PCDHGA2: variants seen among roughly 807,000 people sequenced by gnomAD.
PCDHGA2 encodes protocadherin gamma-A2.
A neutral mutation model predicts 59.2 loss-of-function variants in PCDHGA2; 40 were observed. The observed-to-expected ratio is 0.68, with a 90% confidence interval of 0.52 to 0.88. The LOEUF (loss-of-function observed/expected upper bound fraction) is 0.88, where lower values mean the gene tolerates loss of function less well. PCDHGA2 is among the 40% of genes least tolerant of loss of function. The probability of loss-of-function intolerance (pLI) is 0.00; values close to 1 mark genes in which losing one functional copy is unlikely to be tolerated. For synonymous variants in PCDHGA2, 560 were observed against 526.0 expected, an observed-to-expected ratio of 1.06 and a Z score of -0.89; for missense variants, 1,226 against 1,204.0, an observed-to-expected ratio of 1.02 and a Z score of -0.27.
chr5:141,417,713 C>G, intron 1 of PCDHGA2: 1 of 1,271,750 alleles, frequency 7.9e-7, no homozygotes, highest in Non-Finnish European at 1.1e-6. Flanking sequence ...CAGAGGCTCC[C>G]GGCTGCGCAG....
intron 1 of PCDHGA2, chr5:141,370,299 G>A (rs914086562): frequency 8.6e-7 from 1 of 1,160,314 alleles, no homozygotes; most frequent in African/African-American, 1.5e-5. Flanking sequence ...CAAGCACAAA[G>A]ACAAAGCAAA....
At chr5:141,423,084 G>C (rs1427825232) in intron 1 of PCDHGA2, 2 of 1,613,942 alleles carry the variant, frequency 1.2e-6, no homozygotes, top group Non-Finnish European at 1.7e-6. Flanking sequence ...GACTCTTCGC[G>C]GTGGGGGAGC....
chr5:141,511,351 C>G lies in PCDHGA2; in HGVS notation c.*178C>G, dbSNP rs1190324197. On this transcript the variant is annotated 3_prime_UTR_variant, in exon 4 of 4. Coordinates refer to ENST00000394576, the MANE Select transcript of PCDHGA2 (RefSeq NM_018915.4). The stretch of plus-strand genomic sequence containing the variant: ...CCAGTCAGCACCTACCCCTTCCCCC[C>G]CAGGGGGTTGAATATGCAAAAGCAG... 6 of 1,386,432 alleles carry G rather than the reference C, an allele frequency of 4.3e-6. No individual in the cohort carries two copies. The highest frequency in any genetic ancestry group is 2.9e-5 in the African/African-American group (2 of 68,574). The allele number at this position is 1,386,432 out of a possible 1,614,324, so 85.9% of individuals were successfully genotyped here.
chr5:141,365,441 G>A (rs749640886), intron 1 of PCDHGA2: 7 of 1,613,952 alleles, frequency 4.3e-6, no homozygotes, highest in East Asian at 2.2e-5. Flanking sequence ...GCTGTTTAGC[G>A]TACATGATGG....
rs370242892 is a variant in PCDHGA2 at position 141,420,225 on chromosome 5, C to A, written c.2425-74582C>A. On this transcript the variant is annotated intron_variant, in intron 1 of 3. Coordinates refer to ENST00000394576, the MANE Select transcript of PCDHGA2 (RefSeq NM_018915.4). ...CTCAACAAAGATAGCATGCTACTGGCTAGCATTTTAACTCCCAGCGTTGAA... is the reference window on the plus strand; with the variant it reads ...CTCAACAAAGATAGCATGCTACTGGATAGCATTTTAACTCCCAGCGTTGAA... 13 of 1,603,470 alleles carry A rather than the reference C, an allele frequency of 8.1e-6. No homozygotes were observed. In the African/African-American group the frequency reaches 1.7e-4, roughly 21 times the overall value.
intron 1 of PCDHGA2, chr5:141,352,413 A>C (rs1759005544): frequency 1.9e-6 from 3 of 1,613,844 alleles, no homozygotes; most frequent in South Asian, 2.2e-5. Flanking sequence ...TCCAGCCTCG[A>C]CACTGAGGGC....
intron 1 of PCDHGA2, chr5:141,423,496 G>A (rs1049120602): frequency 1.2e-6 from 2 of 1,613,804 alleles, no homozygotes; most frequent in African/African-American, 1.3e-5. Flanking sequence ...CTATTCCCAC[G>A]AGGTCTCTCT....
At chr5:141,427,883 C>T (rs2097084423) in intron 1 of PCDHGA2, 2 of 1,563,700 alleles carry the variant, frequency 1.3e-6, no homozygotes, top group African/African-American at 1.3e-5. Context: ...TGCAGGCCCA[C>T]GACCAGGGCT....
At chr5:141,388,827 A>T (rs376001893) in intron 1 of PCDHGA2, 4 of 1,614,024 alleles carry the variant, frequency 2.5e-6, no homozygotes, top group Non-Finnish European at 2.5e-6. Flanking sequence ...AGAATATTCC[A>T]TAGTTTTGGA....
At chr5:141,352,905 T>C (rs1759140498) in intron 1 of PCDHGA2, among the ~76,000 whole-genome samples, 1 of 152,122 alleles carries the variant, frequency 6.6e-6, no homozygotes, top group Non-Finnish European at 1.5e-5. Flanking sequence ...GGAGGATCGC[T>C]TGAGCCCGGG....
At chr5:141,388,953 G>A (rs1266765544) in intron 1 of PCDHGA2, 13 of 1,614,022 alleles carry the variant, frequency 8.1e-6, no homozygotes, top group Non-Finnish European at 1.1e-5. Context: ...AATTATGGAG[G>A]ACGCCGAGCT....
chr5:141,431,830 C>G lies in PCDHGA2; in HGVS notation c.2425-62977C>G, dbSNP rs1354008481. 1 of 1,614,078 alleles carries G rather than the reference C, an allele frequency of 6.2e-7. No homozygotes were observed. The highest frequency in any genetic ancestry group is 8.5e-7 in the Non-Finnish European group (1 of 1,180,034). The stretch of plus-strand genomic sequence containing the variant: ...TCACCTCTCTCGCCAGCTCGGTTCC[C>G]GAAAACTCTCCCAGAGGGACATTAA... On this transcript the variant is annotated intron_variant, in intron 1 of 3. Coordinates refer to ENST00000394576, the MANE Select transcript of PCDHGA2 (RefSeq NM_018915.4). This position sits in a 1 kb window ranked among gnomAD's most constrained non-coding sequence, Gnocchi z 4.8.
At chr5:141,448,150 C>T (rs1182411283) in intron 1 of PCDHGA2, among the ~76,000 whole-genome samples, 4 of 151,924 alleles carry the variant, frequency 2.6e-5, no homozygotes, top group Non-Finnish European at 5.9e-5. Flanking sequence ...CTCAGACTCA[C>T]CCCTGAAAGA....
chr5:141,361,722 G>T lies in PCDHGA2; in HGVS notation c.2424+20327G>T, dbSNP rs1055343952. 6 of 1,613,196 alleles carry T rather than the reference G, an allele frequency of 3.7e-6. No homozygotes were observed. Among genetic ancestry groups the T allele is most frequent in the Non-Finnish European group, 4.2e-6 (5 of 1,179,854 alleles). On this transcript the variant is annotated intron_variant, in intron 1 of 3. Coordinates refer to ENST00000394576, the MANE Select transcript of PCDHGA2 (RefSeq NM_018915.4). ...ATCATGAGCAGCTGCGCGCCTTCGA[G>T]CTCACACTGCAGGCCCGCGACCAGG...
At chr5:141,416,998 CAAAT>C (rs2096073182) in intron 1 of PCDHGA2, 1 of 150,816 alleles carries the variant, frequency 6.6e-6, no homozygotes, top group South Asian at 2.1e-4. Flanking sequence ...GCATTCATCT[CAAAT>C]AATTCTATTA....
chr5:141,493,336 A>G lies in PCDHGA2; in HGVS notation c.2425-1471A>G, dbSNP rs1049621539. Among the ~76,000 whole-genome samples, 4 of 152,202 alleles carry G rather than the reference A, an allele frequency of 2.6e-5. No homozygotes were observed. Among genetic ancestry groups the G allele is most frequent in the African/African-American group, 9.7e-5 (4 of 41,450 alleles). On this transcript the variant is annotated intron_variant, in intron 1 of 3. Transcript: ENST00000394576. The surrounding 1 kb of genome is among the most constrained non-coding windows in gnomAD (Gnocchi z 4.3). ...GAGATTCTAACCCCTGTCTAACTCC[A>G]GAATGTGTGCTTTTAATTTCTTGGC...
At chr5:141,376,262 G>A (rs1417719002) in intron 1 of PCDHGA2, 2 of 1,614,108 alleles carry the variant, frequency 1.2e-6, no homozygotes, top group Admixed American at 1.7e-5. Context: ...CCTGCTGCAG[G>A]CTTCGGGAGG....
chr5:141,361,426 C>T lies in PCDHGA2; in HGVS notation c.2424+20031C>T, dbSNP rs763880650. 8.7e-6 allele frequency: 14 copies of T among 1,614,034 alleles called. No individual in the cohort carries two copies. The Admixed American group carries it at 2.3e-4, about 27-fold the overall frequency. The stretch of plus-strand genomic sequence containing the variant: ...CACAGCCACCGACGGGGGCAAGCCG[C>T]CCCTCTCCTCCAGCATAATTGTCAC... On this transcript the variant is annotated intron_variant, in intron 1 of 3. Transcript: ENST00000394576.
Position 141,477,554 on chromosome 5 carries a change from A to T in PCDHGA2, c.2425-17253A>T. The T allele has an allele frequency of 6.2e-7, 1 of 1,614,112 alleles. No homozygotes were observed. Among genetic ancestry groups the T allele is most frequent in the South Asian group, 1.1e-5 (1 of 91,086 alleles). Reference sequence around the variant, plus strand: ...CCCCGGGGCTCCAATACTAAACCTAAGTGTCTGGGACCCCGACGCCCCGCA... The same window carrying T: ...CCCCGGGGCTCCAATACTAAACCTATGTGTCTGGGACCCCGACGCCCCGCA... On this transcript the variant is annotated intron_variant, in intron 1 of 3. Transcript: ENST00000394576. This position sits in a 1 kb window ranked among gnomAD's most constrained non-coding sequence, Gnocchi z 4.9.
Sources: gnomAD v4.1 joint callset for allele counts (sites outside exome capture counted in the v4.1 genomes callset) on GRCh38, gnomAD v4.1.1 for gene constraint, Gnocchi (gnomAD v3.1) non-coding constraint, MANE v1.5 for transcripts, NCBI Gene and HGNC (gene_info 2026-07-23, HGNC 2026-07-21) for gene names.